Variants in ATRN observed in about 807,000 individuals in gnomAD.
ATRN encodes attractin, also known as attractin-2.
A neutral mutation model predicts 178.7 loss-of-function variants in ATRN; 54 were observed. That is an observed-to-expected ratio of 0.30 (90% confidence interval 0.24 to 0.38). The LOEUF is 0.38. ATRN is among the 10% of genes least tolerant of loss of function. The pLI is 1.00. For synonymous variants in ATRN, 636 were observed against 663.0 expected (o/e 0.96, Z 0.63); for missense variants, 1,443 against 1,815.1 (o/e 0.79, Z 3.73).
chr20:3,631,510 G>A (rs780955195), intron 25 of ATRN, among the ~76,000 whole-genome samples: 1 of 152,148 alleles, frequency 6.6e-6, no homozygotes, highest in Non-Finnish European at 1.5e-5. Flanking sequence ...TCCAGCCTCA[G>A]GAAGGAGCCT....
At chr20:3,483,203 G>T (rs1219319779) in intron 1 of ATRN, among the ~76,000 whole-genome samples, 1 of 152,146 alleles carries the variant, frequency 6.6e-6, no homozygotes, top group Non-Finnish European at 1.5e-5. Flanking sequence ...GATGAGATAT[G>T]CTGGAGATTT....
Position 3,556,783 on chromosome 20 carries a change from T to C in ATRN, c.1113-2610T>C, listed in dbSNP as rs145818055. 2.7e-3 allele frequency among the ~76,000 whole-genome samples: 416 copies of C among 152,298 alleles called. 1 individual carries two copies. The highest frequency in any genetic ancestry group is 9.7e-3 in the African/African-American group (402 of 41,574). ...TTTTATTGCATCAGTATCGTTCTTG[T>C]CTTATGTTTTTTTTTCTCTGTGTTG... On this transcript the variant is annotated intron_variant, in intron 6 of 28. Transcript: ENST00000262919.
chr20:3,591,035 G>T, intron 18 of ATRN, 134 bp from the exon 19 acceptor site: 2 of 989,338 alleles, frequency 2.0e-6, no homozygotes. Flanking sequence ...TCTCAAATTA[G>T]TTTTTAGTGG....
Position 3,531,601 on chromosome 20 carries a change from C to T in ATRN, c.411-3652C>T, listed in dbSNP as rs1052569109. Among the ~76,000 whole-genome samples the T allele has an allele frequency of 5.9e-5, 9 of 151,936 alleles. No individual in the cohort carries two copies. In the South Asian group the frequency reaches 8.3e-4, roughly 14 times the overall value. On this transcript the variant is annotated intron_variant, in intron 1 of 28. Transcript: ENST00000262919. Reference sequence around the variant, plus strand: ...ATACCAGATTAGTTTGAGAAATTTCCGTAAGGTTTTGTTGAGTGAGCAAAG... The same window carrying T: ...ATACCAGATTAGTTTGAGAAATTTCTGTAAGGTTTTGTTGAGTGAGCAAAG...
chr20:3,516,721 A>G (rs2085210850), intron 1 of ATRN, among the ~76,000 whole-genome samples: 1 of 152,040 alleles, frequency 6.6e-6, no homozygotes. Flanking sequence ...GCGGGGCCCT[A>G]CAGAAAACTG....
Position 3,565,393 on chromosome 20 carries a change from A to G in ATRN, c.1832A>G (p.Asp611Gly), listed in dbSNP as rs772974682. 1 of 1,614,140 alleles carries G rather than the reference A, an allele frequency of 6.2e-7. No individual in the cohort carries two copies. Residue 611 changes from aspartate (D) to glycine (G), a missense_variant, in exon 11 of 29, where the codon GAT (aspartate) becomes GGT (glycine). Transcript: ENST00000262919. Reference protein sequence around the residue: ...SVLPRPDLHHDVNRFGHSAVL... With the variant: ...SVLPRPDLHHGVNRFGHSAVL... ...CTTCCCAGACCTGATCTCCACCATG[A>G]TGTCAACAGATTTGGCCATTCAGCA...
chr20:3,623,544 G>A (rs1568771087), intron 24 of ATRN, among the ~76,000 whole-genome samples: 1 of 152,288 alleles, frequency 6.6e-6, no homozygotes, highest in East Asian at 1.9e-4. Context: ...GGTTTGGTGG[G>A]ACTAGGAAAG....
At chr20:3,528,076 A>C (rs968048856) in intron 1 of ATRN, among the ~76,000 whole-genome samples, 7 of 152,000 alleles carry the variant, frequency 4.6e-5, no homozygotes, top group Admixed American at 2.0e-4. Flanking sequence ...AAAAACAAAC[A>C]AAAAAACCAG....
At chr20:3,564,847 C>T (rs1195164149) in intron 10 of ATRN, among the ~76,000 whole-genome samples, 1 of 152,058 alleles carries the variant, frequency 6.6e-6, no homozygotes, top group East Asian at 1.9e-4. Context: ...GGGCAGATCA[C>T]GAGGTCAGGA....
At chr20:3,520,066 T>G (rs2085270118) in intron 1 of ATRN, among the ~76,000 whole-genome samples, 1 of 152,196 alleles carries the variant, frequency 6.6e-6, no homozygotes, top group Non-Finnish European at 1.5e-5. Context: ...GAACTTGTTT[T>G]TATGTTTAAA....
intron 1 of ATRN, among the ~76,000 whole-genome samples, chr20:3,475,901 T>G (rs987563347): frequency 7.9e-5 from 12 of 152,150 alleles, no homozygotes; most frequent in Admixed American, 7.9e-4. Flanking sequence ...TCCCAACACT[T>G]TGGGAGGCAG....
At position 3,650,546 on chromosome 20, in the gene ATRN, G is replaced by A. The variant is rs898275903; in HGVS notation, c.*3699G>A. The A allele has an allele frequency of 6.6e-6, 1 of 152,212 alleles. No homozygotes were observed. The highest frequency in any genetic ancestry group is 2.4e-5 in the African/African-American group (1 of 41,430). 9.4% of individuals were successfully genotyped at this position (152,212 alleles called of 1,614,324 possible). On this transcript the variant is annotated 3_prime_UTR_variant, in exon 29 of 29. Transcript: ENST00000262919. ...TACCTTCTGAAATGTTTACCCCATT[G>A]ACCAAACTTGGCTCCAGCCATTGCG...
At chr20:3,475,275 G>A (rs2084509153) in intron 1 of ATRN, among the ~76,000 whole-genome samples, 1 of 152,128 alleles carries the variant, frequency 6.6e-6, no homozygotes. Context: ...TAATTGAAGG[G>A]AACGTAGGCT....
At chr20:3,489,683 C>G (rs1454222691) in intron 1 of ATRN, 1 of 1,569,458 alleles carries the variant, frequency 6.4e-7, no homozygotes, top group African/African-American at 1.4e-5. Context: ...CATCTTCAAT[C>G]TGCGTCACAT....
At chr20:3,549,068 G>T (rs2085748616) in intron 5 of ATRN, 102 bp from the exon 6 acceptor site, 2 of 966,504 alleles carry the variant, frequency 2.1e-6, no homozygotes, top group Non-Finnish European at 3.0e-6. Flanking sequence ...CTAAAGGAAA[G>T]ACTATTATTT....
chr20:3,626,186 T>C (rs1021363629), intron 25 of ATRN, among the ~76,000 whole-genome samples: 6 of 148,588 alleles, frequency 4.0e-5, no homozygotes, highest in Non-Finnish European at 7.4e-5. Flanking sequence ...GAGCGGAGAT[T>C]GCACCACTGC....
rs1003820526 is a variant in ATRN, at chr20:3,610,562, G to C, written c.3801+6300G>C. On this transcript the variant is annotated intron_variant, in intron 24 of 28. Transcript: ENST00000262919. Reference sequence around the variant, plus strand: ...GGTGCACACCGCCACGCTAGTTCCAGCTGAATTTTTTTTTTTTTTTTTTTT... The same window carrying C: ...GGTGCACACCGCCACGCTAGTTCCACCTGAATTTTTTTTTTTTTTTTTTTT... Among the ~76,000 whole-genome samples the C allele has an allele frequency of 9.9e-5, 14 of 141,410 alleles. No individual in the cohort carries two copies. The Admixed American group carries it at 1.0e-3, about 10-fold the overall frequency. 92.8% of individuals were successfully genotyped at this position (141,410 alleles called of 152,430 possible). A position where few individuals can be genotyped will look rare whatever the true frequency, so the allele number is the denominator to read the frequency against.
intron 9 of ATRN, 128 bp from the exon 10 acceptor site, chr20:3,563,081 G>T: frequency 1.3e-6 from 1 of 781,926 alleles, no homozygotes; most frequent in Non-Finnish European, 1.9e-6. Context: ...TTTTATGTAG[G>T]GAAAACTCTG....
At chr20:3,563,818 C>T (rs1345728440) in intron 10 of ATRN, among the ~76,000 whole-genome samples, 2 of 152,196 alleles carry the variant, frequency 1.3e-5, no homozygotes, top group East Asian at 3.8e-4. Flanking sequence ...TGATCTCTTT[C>T]ATAAAAATTG....
Sources: gnomAD v4.1 joint callset for allele counts (sites outside exome capture counted in the v4.1 genomes callset) on GRCh38, gnomAD v4.1.1 for gene constraint, MANE v1.5 for transcripts, NCBI Gene and HGNC (gene_info 2026-07-23, HGNC 2026-07-21) for gene names.